Variants in DOK6 observed in about 807,000 individuals in gnomAD.
DOK6 encodes the protein docking protein 6, also known as downstream of tyrosine kinase 6.
Under a neutral mutation model 44.0 loss-of-function variants are expected in DOK6, and 22 were observed. The observed-to-expected ratio is 0.50, with a 90% confidence interval of 0.36 to 0.71. DOK6 has a LOEUF of 0.71. Ranked by LOEUF, DOK6 falls within the 30% of genes least tolerant of loss-of-function variation. The probability of loss-of-function intolerance (pLI) is 0.00; values close to 1 mark genes in which losing one functional copy is unlikely to be tolerated. For synonymous variants in DOK6, 166 were observed against 145.5 expected, an observed-to-expected ratio of 1.14 and a Z score of -1.01; for missense variants, 340 against 416.4, an observed-to-expected ratio of 0.82 and a Z score of 1.60.
In DOK6 at chr18:69,538,773, C is replaced by T. The variant is rs1599180338; in HGVS notation, c.67-25714C>T. On this transcript the variant is annotated intron_variant, in intron 1 of 7. Coordinates refer to ENST00000382713, the MANE Select transcript of DOK6 (RefSeq NM_152721.6). ...CTCTGGTCACCTCTCTGATTGTCTT[C>T]CTGAGAATCTCATCCCTTCATTTCC... Among the ~76,000 whole-genome samples the T allele has an allele frequency of 5.3e-5, 8 of 152,250 alleles. No homozygotes were observed. In the South Asian group the frequency reaches 1.7e-3, roughly 31 times the overall value.
At chr18:69,709,267 A>G (rs756141079) in intron 5 of DOK6, among the ~76,000 whole-genome samples, 11 of 152,176 alleles carry the variant, frequency 7.2e-5, no homozygotes, top group Non-Finnish European at 1.5e-4. Flanking sequence ...CTAGGAATGG[A>G]GTCCTGAAAC....
At chr18:69,485,784 C>G (rs988986) in intron 1 of DOK6, among the ~76,000 whole-genome samples, 31,682 of 151,866 alleles carry the variant, frequency 0.21, 3,648 homozygotes, top group Non-Finnish European at 0.26. Flanking sequence ...TTAGTCAAAT[C>G]ATTCTGAATA....
At chr18:69,447,922 G>T (rs937497848) in intron 1 of DOK6, among the ~76,000 whole-genome samples, 3 of 152,152 alleles carry the variant, frequency 2.0e-5, no homozygotes, top group African/African-American at 7.2e-5. Flanking sequence ...TTTGGCAAAT[G>T]TTATCCCAGC....
chr18:69,587,770 A>AACACAC (rs138552349), intron 2 of DOK6, among the ~76,000 whole-genome samples: 6,999 of 148,918 alleles, frequency 0.047, 269 homozygotes, highest in African/African-American at 0.1. Context: ...TGTAAATTTA[A>AACACAC]ACACACACAC....
chr18:69,598,624 C>T (rs966767741), intron 2 of DOK6, among the ~76,000 whole-genome samples: 18 of 151,964 alleles, frequency 1.2e-4, no homozygotes, highest in African/African-American at 3.9e-4. Flanking sequence ...ATTATTATTG[C>T]AATGTTGTGT....
Position 69,848,798 on chromosome 18 carries a change from C to T in DOK6, c.*7415C>T, listed in dbSNP as rs571239440. On this transcript the variant is annotated 3_prime_UTR_variant, in exon 8 of 8. Transcript: ENST00000382713. ...TGTGCACTATTAAAGTTTGCTCCAT[C>T]ACTTAAAGGTAAAGCAGTTCAAAAA... The T allele has an allele frequency of 7.2e-5, 11 of 152,298 alleles. No individual in the cohort carries two copies. The highest frequency in any genetic ancestry group is 7.2e-4 in the Admixed American group (11 of 15,304). 9.4% of individuals were successfully genotyped at this position (152,298 alleles called of 1,614,324 possible). A position where few individuals can be genotyped will look rare whatever the true frequency, so the allele number is the denominator to read the frequency against.
At position 69,783,156 on chromosome 18, in the gene DOK6, T is replaced by C. The variant is rs549221322; in HGVS notation, c.856+25283T>C. 2.0e-5 allele frequency among the ~76,000 whole-genome samples: 3 copies of C among 152,332 alleles called. No homozygotes were observed. In the South Asian group the frequency reaches 6.2e-4, roughly 32 times the overall value. On this transcript the variant is annotated intron_variant, in intron 7 of 7. Coordinates refer to ENST00000382713, the MANE Select transcript of DOK6 (RefSeq NM_152721.6). ...AGGCTTACCTGAGAGAGCAGACAGC[T>C]CCTACTGTGGCTGTGGCCAACCTCT...
At chr18:69,612,014 A>G (rs911097223) in intron 3 of DOK6, among the ~76,000 whole-genome samples, 1 of 152,132 alleles carries the variant, frequency 6.6e-6, no homozygotes, top group African/African-American at 2.4e-5. Flanking sequence ...TGGACTATCA[A>G]TGTCAACACC....
chr18:69,552,809 A>G (rs903018858), intron 1 of DOK6, among the ~76,000 whole-genome samples: 1 of 152,266 alleles, frequency 6.6e-6, no homozygotes, highest in African/African-American at 2.4e-5. Context: ...GCAAATATTC[A>G]TAAGATGTTT....
At chr18:69,758,221 T>C (rs897602339) in intron 7 of DOK6, among the ~76,000 whole-genome samples, 4 of 152,214 alleles carry the variant, frequency 2.6e-5, no homozygotes, top group Non-Finnish European at 5.9e-5. Flanking sequence ...TTTCGCATCT[T>C]TTTTTCCTTG....
In DOK6 at chr18:69,531,898, C is replaced by T. The variant is rs150570467; in HGVS notation, c.67-32589C>T. Among the ~76,000 whole-genome samples the T allele has an allele frequency of 8.1e-4, 124 of 152,162 alleles. 2 individuals carry two copies. The East Asian group carries it at 0.023, about 28-fold the overall frequency. On this transcript the variant is annotated intron_variant, in intron 1 of 7. Transcript: ENST00000382713. The stretch of plus-strand genomic sequence containing the variant: ...CCGCCATTTGTTGAAGCCCTAATCC[C>T]CAATGTGATGATATTAGGAGATGGG...
At chr18:69,757,587 T>A (rs1340718392) in intron 6 of DOK6, among the ~76,000 whole-genome samples, 169 bp from the exon 7 acceptor site, 1 of 129,172 alleles carries the variant, frequency 7.7e-6, no homozygotes, top group Non-Finnish European at 1.8e-5. Flanking sequence ...ATTCCTTTCA[T>A]ATTTTTGAGT....
chr18:69,528,462 A>G (rs746974045), intron 1 of DOK6, among the ~76,000 whole-genome samples: 2 of 152,192 alleles, frequency 1.3e-5, no homozygotes, highest in Non-Finnish European at 2.9e-5. Flanking sequence ...AATAAGGGTG[A>G]ATTAGTGCAG....
At chr18:69,444,726 C>A (rs944053984) in intron 1 of DOK6, among the ~76,000 whole-genome samples, 1 of 151,314 alleles carries the variant, frequency 6.6e-6, no homozygotes, top group Non-Finnish European at 1.5e-5. Context: ...TCACTGCAAC[C>A]TCCGCCTCCT....
chr18:69,423,185 C>G (rs548769565), intron 1 of DOK6, among the ~76,000 whole-genome samples: 2 of 152,222 alleles, frequency 1.3e-5, no homozygotes, highest in South Asian at 4.2e-4. Flanking sequence ...CACCTGTAGC[C>G]CAGCCACGCG....
intron 7 of DOK6, among the ~76,000 whole-genome samples, chr18:69,807,249 T>C (rs561635460): frequency 6.6e-6 from 1 of 151,912 alleles, no homozygotes; most frequent in East Asian, 1.9e-4. Flanking sequence ...ATGTTTCCTA[T>C]AAGCCTCACA....
chr18:69,725,402 T>C (rs572806124), intron 5 of DOK6, among the ~76,000 whole-genome samples: 1 of 152,360 alleles, frequency 6.6e-6, no homozygotes, highest in African/African-American at 2.4e-5. Flanking sequence ...AACAGGAAAC[T>C]CTCCTGGGCT....
At chr18:69,514,457 T>C (rs1981459559) in intron 1 of DOK6, among the ~76,000 whole-genome samples, 1 of 152,178 alleles carries the variant, frequency 6.6e-6, no homozygotes, top group Non-Finnish European at 1.5e-5. Context: ...TATTGTGTTG[T>C]AAAATATTGT....
At chr18:69,675,840 A>G (rs1985909625) in intron 3 of DOK6, among the ~76,000 whole-genome samples, 1 of 152,320 alleles carries the variant, frequency 6.6e-6, no homozygotes, top group East Asian at 1.9e-4. Context: ...ATCTAATAAA[A>G]GTACGTTCAA....
Sources: allele counts gnomAD v4.1 joint callset (sites outside exome capture counted in the v4.1 genomes callset), GRCh38; gene constraint gnomAD v4.1.1; transcripts MANE v1.5; gene names NCBI Gene and HGNC (gene_info 2026-07-23, HGNC 2026-07-21).